Variants in SLC35F6 observed in about 807,000 individuals in gnomAD.
SLC35F6 encodes ANT2-binding protein.
SLC35F6 carries 26 observed loss-of-function variants against 29.4 expected under a neutral mutation model. The ratio of observed to expected loss-of-function variants is 0.89; its 90% CI spans 0.65 to 1.23. The LOEUF (loss-of-function observed/expected upper bound fraction) is 1.23, where lower values mean the gene tolerates loss of function less well. Among genes scored for constraint, SLC35F6 ranks in the 50% most tolerant of loss-of-function variants. The pLI is 0.00. For missense variants in SLC35F6, 428 were observed against 487.8 expected, an observed-to-expected ratio of 0.88 and a Z score of 1.15; for synonymous variants, 174 against 206.6, an observed-to-expected ratio of 0.84 and a Z score of 1.35.
rs141900259 is a variant in SLC35F6 at position 26,774,174 on chromosome 2, A to C, written c.78-77A>C. On this transcript the variant is annotated intron_variant, in intron 1 of 5. Transcript: ENST00000344420. ...GTCACCCAGGTCTGGGCCTCTTGAC[A>C]TTGAGAGGTGTGAGCCTCTTCACTA... is the stretch of plus-strand genomic sequence containing the variant. 3.4e-3 allele frequency: 5,243 copies of C among 1,564,312 alleles called. 19 individuals carry two copies. Among genetic ancestry groups the C allele is most frequent in the Non-Finnish European group, 4.0e-3 (4,564 of 1,140,290 alleles).
chr2:26,770,767 T>TGAA (rs1469039997), intron 1 of SLC35F6, among the ~76,000 whole-genome samples: 1 of 152,004 alleles, frequency 6.6e-6, no homozygotes, highest in Admixed American at 6.6e-5. Context: ...ACAAACGTTG[T>TGAA]GAAGAACTGA....
intron 1 of SLC35F6, among the ~76,000 whole-genome samples, 187 bp downstream of exon 1, chr2:26,764,613 AC>A (rs1664061358): frequency 6.6e-6 from 1 of 151,826 alleles, no homozygotes; most frequent in African/African-American, 2.4e-5. Context: ...TGCGCCCCGG[AC>A]GGGGGGATCC....
chr2:26,764,671 G>A, intron 1 of SLC35F6: 1 of 593,078 alleles, frequency 1.7e-6, no homozygotes, highest in Non-Finnish European at 2.1e-6. Flanking sequence ...CTGTTTCCAC[G>A]TCTTTTAACA....
chr2:26,773,257 T>C (rs758154599), intron 1 of SLC35F6, among the ~76,000 whole-genome samples: 5 of 151,762 alleles, frequency 3.3e-5, no homozygotes, highest in Admixed American at 6.6e-5. Flanking sequence ...TTCCAGCACG[T>C]TGGGAGGCTG....
Position 26,767,823 on chromosome 2 carries a change from A to T in SLC35F6, c.77+3397A>T, listed in dbSNP as rs528006511. On this transcript the variant is annotated intron_variant, in intron 1 of 5. Transcript: ENST00000344420. ...GGAGTTCAAGATCAGCCTGGACAAC[A>T]TAGGGAGACCTCGTTCTCTACAAAT... 4.6e-5 allele frequency among the ~76,000 whole-genome samples: 7 copies of T among 152,304 alleles called. No homozygotes were observed. In the South Asian group the frequency reaches 1.5e-3, roughly 32 times the overall value.
intron 5 of SLC35F6, 26 bp from the exon 6 acceptor site, chr2:26,778,016 G>A (rs375888353): frequency 6.3e-7 from 1 of 1,591,340 alleles, no homozygotes; most frequent in Non-Finnish European, 8.6e-7. Flanking sequence ...AAGGTGGAGA[G>A]TGTAACTGTT....
At chr2:26,770,718 A>C (rs1664182204) in intron 1 of SLC35F6, among the ~76,000 whole-genome samples, 1 of 143,046 alleles carries the variant, frequency 7.0e-6, no homozygotes, top group South Asian at 2.2e-4. Flanking sequence ...GCTCCGTTTC[A>C]AAAAAAAAAA....
intron 1 of SLC35F6, chr2:26,764,694 G>A (rs945535724): frequency 1.4e-6 from 1 of 735,766 alleles, no homozygotes; most frequent in Non-Finnish European, 1.7e-6. Context: ...AGGGTTGGCC[G>A]ATTCCTTTCC....
rs1558294845 is a variant in SLC35F6, at chr2:26,778,211, C to T, written c.816C>T (p.Ser272=). The T allele has an allele frequency of 6.2e-7, 1 of 1,614,216 alleles. No individual in the cohort carries two copies. The highest frequency in any genetic ancestry group is 8.5e-7 in the Non-Finnish European group (1 of 1,180,042). The part of the protein sequence containing the change: ...IAVALLGNIS[S]IAFFNFAGIS... The stretch of plus-strand genomic sequence containing the variant: ...TGGCACTGCTGGGCAACATCAGCAG[C>T]ATTGCCTTCTTCAACTTCGCAGGCA... Residue 272 remains serine (S), a synonymous_variant, in exon 6 of 6, where the codon AGC becomes AGT. Coordinates refer to ENST00000344420, the MANE Select transcript of SLC35F6 (RefSeq NM_017877.4).
intron 1 of SLC35F6, among the ~76,000 whole-genome samples, chr2:26,773,913 T>C (rs1319067298): frequency 6.6e-6 from 1 of 152,208 alleles, no homozygotes; most frequent in Non-Finnish European, 1.5e-5. Flanking sequence ...CGCCCAGCTA[T>C]ATAGAAATGC....
chr2:26,778,260 G>A lies in SLC35F6; in HGVS notation c.865G>A (p.Ala289Thr), dbSNP rs536311747. ...CATCAGCGTCACCAAGGAACTGAGC[G>A]CCACCACCCGCATGGTGTTGGACAG... ...AGISVTKELS[A>T]TTRMVLDSLR... The change falls in exon 6 of 6, where the codon GCC becomes ACC. Residue 289 changes from alanine (A) to threonine (T), a missense_variant. By Grantham distance (58) the Ala-to-Thr change is moderately conservative. Transcript: ENST00000344420. 32 of 1,614,032 alleles carry A rather than the reference G, an allele frequency of 2.0e-5. No homozygotes were observed. The highest frequency in any genetic ancestry group is 2.4e-5 in the Non-Finnish European group (28 of 1,180,038).
In SLC35F6 at chr2:26,778,542, G is replaced by A. The variant is rs1230716553; in HGVS notation, c.*31G>A. The A allele has an allele frequency of 1.3e-6, 2 of 1,539,606 alleles. No individual in the cohort carries two copies. Among genetic ancestry groups the A allele is most frequent in the Non-Finnish European group, 1.7e-6 (2 of 1,147,450 alleles). ...CCTGGAGGCTTCTACTGCCACCCGGGTGCTCCTTCTCCCTGAGACTGAGGC... is the reference window on the plus strand; with the variant it reads ...CCTGGAGGCTTCTACTGCCACCCGGATGCTCCTTCTCCCTGAGACTGAGGC... On this transcript the variant is annotated 3_prime_UTR_variant, in exon 6 of 6. Transcript: ENST00000344420.
chr2:26,774,420 G>A (rs1236069832), intron 2 of SLC35F6, 97 bp downstream of exon 2: 23 of 1,362,148 alleles, frequency 1.7e-5, no homozygotes, highest in Non-Finnish European at 2.2e-5. Flanking sequence ...CTTAGGAGTG[G>A]AGGTGTCTCC....
chr2:26,778,170 C>A lies in SLC35F6; in HGVS notation c.775C>A (p.Gln259Lys). 1 of 1,614,208 alleles carries A rather than the reference C, an allele frequency of 6.2e-7. No individual in the cohort carries two copies. Among genetic ancestry groups the A allele is most frequent in the Non-Finnish European group, 8.5e-7 (1 of 1,180,048 alleles). Residue 259 changes from glutamine to lysine, a missense_variant, in exon 6 of 6, where the codon CAG (glutamine) becomes AAG (lysine). Gln to Lys is a moderately conservative substitution (Grantham distance 53, BLOSUM62 1). Coordinates refer to ENST00000344420, the MANE Select transcript of SLC35F6 (RefSeq NM_017877.4). ...ALDAFCQVGQ[Q>K]PLIAVALLGN... Reference sequence around the variant, plus strand: ...GGACGCCTTCTGCCAGGTGGGCCAGCAGCCGCTCATTGCCGTGGCACTGCT... The same window carrying A: ...GGACGCCTTCTGCCAGGTGGGCCAGAAGCCGCTCATTGCCGTGGCACTGCT...
intron 1 of SLC35F6, among the ~76,000 whole-genome samples, chr2:26,773,185 ATGTTT>A (rs1320866417): frequency 6.6e-6 from 1 of 152,112 alleles, no homozygotes; most frequent in Non-Finnish European, 1.5e-5. Flanking sequence ...TCTTACAGTA[ATGTTT>A]TAAAACGTGT....
chr2:26,772,052 G>C (rs828265), intron 1 of SLC35F6, among the ~76,000 whole-genome samples: 74,705 of 151,998 alleles, frequency 0.49, 20,208 homozygotes, highest in African/African-American at 0.71. Context: ...GAACCACAAG[G>C]AATCTTAACT....
chr2:26,770,440 G>A (rs111530827), intron 1 of SLC35F6, among the ~76,000 whole-genome samples: 6 of 152,042 alleles, frequency 3.9e-5, no homozygotes, highest in African/African-American at 1.2e-4. Context: ...GTTGTTGGCC[G>A]GACGCAGAGG....
intron 1 of SLC35F6, among the ~76,000 whole-genome samples, chr2:26,765,862 G>A (rs1421457888): frequency 2.0e-5 from 3 of 152,220 alleles, no homozygotes; most frequent in Admixed American, 6.5e-5. Context: ...ACACAGCAAA[G>A]CAAGTCTTCT....
chr2:26,772,702 GA>G (rs988843389), intron 1 of SLC35F6, among the ~76,000 whole-genome samples: 7 of 152,146 alleles, frequency 4.6e-5, no homozygotes, highest in Non-Finnish European at 7.3e-5. Flanking sequence ...CAGGAGATGA[GA>G]AGATTCAGAA....
Sources: allele counts gnomAD v4.1 joint callset (sites outside exome capture counted in the v4.1 genomes callset), GRCh38; gene constraint gnomAD v4.1.1; transcripts MANE v1.5; gene names NCBI Gene and HGNC (gene_info 2026-07-23, HGNC 2026-07-21).